Variants in NLRP2 observed in about 807,000 individuals in gnomAD.
The protein encoded by NLRP2 is NACHT, LRR and PYD domains-containing protein 2.
NLRP2 carries 107 observed loss-of-function variants against 97.2 expected under a neutral mutation model. That is an observed-to-expected ratio of 1.10 (90% CI 0.94 to 1.29). The LOEUF is 1.29. Among genes scored for constraint, NLRP2 ranks in the 50% most tolerant of loss-of-function variants. The pLI is 0.00. For synonymous variants in NLRP2, 663 were observed against 551.5 expected (o/e 1.20, Z -2.83); for missense variants, 1,495 against 1,330.3 (o/e 1.12, Z -1.93).
chr19:54,984,843 TG>T (rs886411516), intron 6 of NLRP2, among the ~76,000 whole-genome samples: 1 of 152,164 alleles, frequency 6.6e-6, no homozygotes, highest in Non-Finnish European at 1.5e-5. Flanking sequence ...TACCCTCTAT[TG>T]GATTTTTGTC....
chr19:54,983,041 G>C lies in NLRP2; in HGVS notation c.1343G>C (p.Arg448Pro), dbSNP rs371780675. 2 of 1,611,164 alleles carry C rather than the reference G, an allele frequency of 1.2e-6. No individual in the cohort carries two copies. The highest frequency in any genetic ancestry group is 1.7e-6 in the Non-Finnish European group (2 of 1,179,280). ...PQGAQLRGAL[R>P]TLSLLAAQGL... ...GGCGCACAGCTGCGGGGCGCGCTGC[G>C]GACGCTGAGCCTCCTGGCCGCGCAG... is the stretch of plus-strand genomic sequence containing the variant. The change falls in exon 6 of 13, where the codon CGG (arginine) becomes CCG (proline). Residue 448 changes from arginine (R) to proline (P), a missense_variant. By Grantham distance (103) the Arg-to-Pro change is moderately radical. Transcript: ENST00000448584.
rs971948724 is a variant in NLRP2, at chr19:54,982,822, A to G, written c.1124A>G (p.Glu375Gly). 1 of 1,613,638 alleles carries G rather than the reference A, an allele frequency of 6.2e-7. No individual in the cohort carries two copies. The highest frequency in any genetic ancestry group is 1.3e-5 in the African/African-American group (1 of 74,916). The change falls in exon 6 of 13, where the codon GAG becomes GGG. Residue 375 changes from glutamate to glycine, a missense_variant. Physicochemically the swap from Glu to Gly is moderately conservative, Grantham distance 98. Coordinates refer to ENST00000448584, the MANE Select transcript of NLRP2 (RefSeq NM_017852.5). ...RAYFLRHFGDEDQAMRAFELM... is the reference protein window; with the variant it reads ...RAYFLRHFGDGDQAMRAFELM... ...TATTTCCTGAGACACTTTGGAGACG[A>G]GGACCAAGCCATGCGTGCCTTTGAG...
chr19:54,976,156 G>A (rs1365495865), intron 3 of NLRP2, among the ~76,000 whole-genome samples: 1 of 151,986 alleles, frequency 6.6e-6, no homozygotes, highest in African/African-American at 2.4e-5. Context: ...CCCGGTTCAA[G>A]TGATTCTCTT....
chr19:54,978,073 T>G (rs1324920981), intron 4 of NLRP2, among the ~76,000 whole-genome samples: 2 of 152,100 alleles, frequency 1.3e-5, no homozygotes, highest in Non-Finnish European at 2.9e-5. Flanking sequence ...TGTTTTTGTT[T>G]TTGTTTTGAG....
At chr19:54,969,851 C>T (rs2070729189) in intron 1 of NLRP2, 148 bp from the exon 2 acceptor site, 1 of 763,442 alleles carries the variant, frequency 1.3e-6, no homozygotes, top group Non-Finnish European at 2.3e-6. Flanking sequence ...AGATGGGGGT[C>T]TCACTATGTT....
Position 54,970,012 on chromosome 19 carries a change from C to A in NLRP2, c.-4C>A, listed in dbSNP as rs747310018. On this transcript the variant is annotated 5_prime_UTR_variant, in exon 2 of 13. Transcript: ENST00000448584. ...TTGTCATCACAGCTCCCACGTGGGA[C>A]AAGATGGTGTCTTCGGCGCAGATGG... 6.2e-7 allele frequency: 1 copy of A among 1,613,232 alleles called. No individual in the cohort carries two copies. The highest frequency in any genetic ancestry group is 1.3e-5 in the African/African-American group (1 of 75,016).
In NLRP2 at chr19:54,990,950, C is replaced by T. The variant is rs527460571; in HGVS notation, c.2708+278C>T. 73 of 487,350 alleles carry T rather than the reference C, an allele frequency of 1.5e-4. No homozygotes were observed. In the Middle Eastern group the frequency reaches 1.7e-3, roughly 12 times the overall value. 30.2% of individuals were successfully genotyped at this position (487,350 alleles called of 1,614,324 possible). On this transcript the variant is annotated intron_variant, in intron 10 of 12. Coordinates refer to ENST00000448584, the MANE Select transcript of NLRP2 (RefSeq NM_017852.5). ...TATGTATTTTAGAGATGGGATCTCG[C>T]CGTGTTGCCTAGGCTGGTCTCAAAC...
chr19:54,996,049 A>C (rs1057479111), intron 11 of NLRP2, among the ~76,000 whole-genome samples: 2 of 148,166 alleles, frequency 1.3e-5, no homozygotes, highest in African/African-American at 2.5e-5. Flanking sequence ...AAAAAAAAAA[A>C]AAAACAAAAA....
At chr19:54,986,762 G>A (rs986086594) in intron 8 of NLRP2, among the ~76,000 whole-genome samples, 5 of 152,082 alleles carry the variant, frequency 3.3e-5, no homozygotes, top group South Asian at 2.1e-4. Flanking sequence ...TTGCCAGGCT[G>A]GTCTCGAACT....
chr19:54,991,758 A>G (rs2072490445), intron 10 of NLRP2, among the ~76,000 whole-genome samples: 1 of 149,786 alleles, frequency 6.7e-6, no homozygotes, highest in Admixed American at 6.7e-5. Flanking sequence ...AATCCCAGCT[A>G]CTTGGGAGGC....
chr19:54,981,810 C>G (rs541147739), intron 5 of NLRP2, 128 bp downstream of exon 5: 59 of 745,406 alleles, frequency 7.9e-5, no homozygotes, highest in Non-Finnish European at 1.4e-4. Flanking sequence ...CGGAGTTTTG[C>G]TCTTGTTGCC....
intron 3 of NLRP2, chr19:54,976,952 C>G (rs1343500738): frequency 4.0e-5 from 15 of 374,798 alleles, no homozygotes; most frequent in Non-Finnish European, 7.7e-5. Flanking sequence ...GTAGCTGGGA[C>G]TTACAGGTAA....
chr19:54,986,250 G>T lies in NLRP2; in HGVS notation c.2301G>T (p.Gln767His). 1 of 1,614,008 alleles carries T rather than the reference G, an allele frequency of 6.2e-7. No individual in the cohort carries two copies. The highest frequency in any genetic ancestry group is 8.5e-7 in the Non-Finnish European group (1 of 1,179,940). The change falls in exon 8 of 13, where the codon CAG becomes CAT. Residue 767 changes from glutamine to histidine, a missense_variant. Physicochemically the swap from Gln to His is conservative, Grantham distance 24. Transcript: ENST00000448584. ...ATCTGACCCTTCAAGGCAATGACCA[G>T]GATGATATGTTTCCCGCATTGTGTG... ...VTYLTLQGND[Q>H]DDMFPALCEV...
chr19:54,984,329 G>GTGTTTTTTTTTTTTTTTTTTT, intron 6 of NLRP2, among the ~76,000 whole-genome samples: 4 of 79,668 alleles, frequency 5.0e-5, no homozygotes, highest in African/African-American at 1.9e-4. Context: ...TTTTTTTTGT[G>GTGTTTTTTTTTTTTTTTTTTT]TTTTTTTTTT....
At chr19:54,992,713 C>G (rs1469809837) in intron 10 of NLRP2, among the ~76,000 whole-genome samples, 1 of 151,588 alleles carries the variant, frequency 6.6e-6, no homozygotes, top group Non-Finnish European at 1.5e-5. Context: ...TGCATGCCAC[C>G]ACGCCCAGCT....
intron 8 of NLRP2, among the ~76,000 whole-genome samples, chr19:54,989,272 A>G (rs969495927): frequency 2.0e-5 from 3 of 149,968 alleles, no homozygotes; most frequent in Admixed American, 6.7e-5. Context: ...GGAGTTTGAG[A>G]CCAGCCTGGC....
At chr19:54,993,062 A>G (rs896164829) in intron 10 of NLRP2, among the ~76,000 whole-genome samples, 4 of 151,896 alleles carry the variant, frequency 2.6e-5, no homozygotes, top group Non-Finnish European at 4.4e-5. Context: ...TTTACTAAAA[A>G]TACAAAAATT....
At chr19:54,974,309 G>A in intron 2 of NLRP2, 191 bp from the exon 3 acceptor site, 1 of 633,986 alleles carries the variant, frequency 1.6e-6, no homozygotes, top group Non-Finnish European at 2.8e-6. Flanking sequence ...AGCCAAGATT[G>A]TGCCACTCCA....
chr19:54,983,846 G>T (rs1244176965), intron 6 of NLRP2, 118 bp downstream of exon 6: 16 of 1,417,572 alleles, frequency 1.1e-5, no homozygotes, highest in Admixed American at 1.7e-5. Flanking sequence ...CCTCTTGTTG[G>T]ACTCTTTGTT....
Sources: allele counts gnomAD v4.1 joint callset (sites outside exome capture counted in the v4.1 genomes callset), GRCh38; gene constraint gnomAD v4.1.1; transcripts MANE v1.5; gene names NCBI Gene and HGNC (gene_info 2026-07-23, HGNC 2026-07-21).